COA8: variants seen among roughly 807,000 people sequenced by gnomAD.
COA8 encodes UPF0671 protein C14orf153.
In COA8, 20 loss-of-function variants were observed where a neutral mutation model predicts 22.0. That is an observed-to-expected ratio of 0.91 (90% CI 0.64 to 1.32). The LOEUF is 1.32. Among genes scored for constraint, COA8 ranks in the 40% most tolerant of loss-of-function variants. COA8 has a pLI of 0.00. For synonymous variants in COA8, 105 were observed against 79.9 expected (o/e 1.31, Z -1.68); for missense variants, 266 against 230.0 (o/e 1.16, Z -1.01).
intron 1 of COA8, among the ~76,000 whole-genome samples, chr14:103,570,965 G>A (rs1310371364): frequency 2.0e-5 from 3 of 152,138 alleles, no homozygotes; most frequent in Non-Finnish European, 2.9e-5. Flanking sequence ...GGTCCAGGAG[G>A]AGCCATCACG....
intron 2 of COA8, 74 bp from the exon 3 acceptor site, chr14:103,574,033 C>G: frequency 1.4e-6 from 2 of 1,475,234 alleles, no homozygotes; most frequent in South Asian, 2.7e-5. Flanking sequence ...GAGCTGTGCT[C>G]TAGCCAAAGA....
At chr14:103,567,575 G>A (rs1370679385) in intron 1 of COA8, 1 of 151,862 alleles carries the variant, frequency 6.6e-6, no homozygotes, top group African/African-American at 2.4e-5. Flanking sequence ...TTATAGAGAT[G>A]GGGTCTCACT....
At chr14:103,585,629 G>T (rs1462336598) in intron 3 of COA8, among the ~76,000 whole-genome samples, 2 of 139,440 alleles carry the variant, frequency 1.4e-5, no homozygotes, top group Admixed American at 7.5e-5. Context: ...AGGCTGGAGT[G>T]CAGTGGTGTG....
chr14:103,567,739 CA>C (rs1289839600), intron 1 of COA8, among the ~76,000 whole-genome samples: 1 of 152,104 alleles, frequency 6.6e-6, no homozygotes, highest in African/African-American at 2.4e-5. Context: ...TACTGAGGTG[CA>C]GGCCTTGTGT....
intron 4 of COA8, chr14:103,588,322 C>A: frequency 2.5e-6 from 1 of 396,602 alleles, no homozygotes; most frequent in South Asian, 1.3e-4. Context: ...CAAGACCAGT[C>A]TGGGCAACAT....
intron 1 of COA8, among the ~76,000 whole-genome samples, chr14:103,568,630 T>C (rs1175110938): frequency 5.8e-5 from 4 of 68,718 alleles, no homozygotes; most frequent in African/African-American, 1.7e-4. Context: ...TGTATATATA[T>C]ATATATATAT....
At chr14:103,588,116 C>CAAAAA (rs1221577064) in intron 4 of COA8, 28 of 64,504 alleles carry the variant, frequency 4.3e-4, no homozygotes, top group African/African-American at 1.2e-3. Context: ...AACTCCATCT[C>CAAAAA]AAAAAAAAAA....
At chr14:103,567,016 T>G (rs532112816) in intron 1 of COA8, among the ~76,000 whole-genome samples, 102 of 152,278 alleles carry the variant, frequency 6.7e-4, no homozygotes, top group Non-Finnish European at 6.9e-4. Context: ...CAAGTAATCT[T>G]CCTGCCTCAG....
chr14:103,582,051 T>A (rs929240374), intron 3 of COA8, among the ~76,000 whole-genome samples: 1 of 152,200 alleles, frequency 6.6e-6, no homozygotes. Context: ...GGAAAGGCAG[T>A]CTGCCGGGGA....
chr14:103,584,640 G>C (rs1381746379), intron 3 of COA8, among the ~76,000 whole-genome samples: 1 of 152,086 alleles, frequency 6.6e-6, no homozygotes, highest in African/African-American at 2.4e-5. Context: ...ATTTCCACCA[G>C]CAATGTATGA....
rs1255455793 is a variant in COA8 at position 103,581,187 on chromosome 14, G to A, written c.386-6087G>A. On this transcript the variant is annotated intron_variant, in intron 3 of 4. Transcript: ENST00000409074. The surrounding 1 kb of genome is among the most constrained non-coding windows in gnomAD (Gnocchi z 4.1). ...GGAACCAACCTCCTATCGATACCAA[G>A]GGACAACTTTTCATTTTTAGCTATG... 2.0e-5 allele frequency among the ~76,000 whole-genome samples: 3 copies of A among 152,132 alleles called. No individual in the cohort carries two copies. The East Asian group carries it at 5.8e-4, about 29-fold the overall frequency.
chr14:103,579,122 A>T (rs566316779), intron 3 of COA8, among the ~76,000 whole-genome samples: 1 of 152,132 alleles, frequency 6.6e-6, no homozygotes, highest in Non-Finnish European at 1.5e-5. Flanking sequence ...AGCGCCCTAT[A>T]TGTGTATTAA....
chr14:103,565,825 G>A (rs188553454), intron 1 of COA8, among the ~76,000 whole-genome samples: 18 of 151,884 alleles, frequency 1.2e-4, no homozygotes, highest in African/African-American at 4.4e-4. Context: ...ATGTTGGCCA[G>A]GGTGGTCTTG....
At position 103,568,476 on chromosome 14, in the gene COA8, CAT is replaced by C. The variant is rs370140627; in HGVS notation, c.124-3141_124-3140del. Among the ~76,000 whole-genome samples the C allele has an allele frequency of 2.0e-4, 31 of 151,472 alleles. No individual in the cohort carries two copies. The East Asian group carries it at 2.1e-3, about 10-fold the overall frequency. On this transcript the variant is annotated intron_variant, in intron 1 of 4. Coordinates refer to ENST00000409074, the MANE Select transcript of COA8 (RefSeq NM_001370595.2). ...ACATACATACATACATACACACACA[CAT>C]ATATACACACATATATATACACACA...
chr14:103,574,055 A>G, intron 2 of COA8, 52 bp from the exon 3 acceptor site: 1 of 1,518,030 alleles, frequency 6.6e-7, no homozygotes, highest in Non-Finnish European at 8.7e-7. Context: ...AAATGGAAAG[A>G]CAGAGAAAGG....
Position 103,582,101 on chromosome 14 carries a change from C to T in COA8, c.386-5173C>T, listed in dbSNP as rs28758834. Among the ~76,000 whole-genome samples the T allele has an allele frequency of 5.2e-3, 789 of 152,278 alleles. 6 individuals carry two copies. Among genetic ancestry groups the T allele is most frequent in the African/African-American group, 0.018 (757 of 41,566 alleles). On this transcript the variant is annotated intron_variant, in intron 3 of 4. Coordinates refer to ENST00000409074, the MANE Select transcript of COA8 (RefSeq NM_001370595.2). ...CTGGGTAGGAGCTGAGCGTGGCCTCCGCGCCTCCTCATGGGAAGTGCTGGA... is the reference window on the plus strand; with the variant it reads ...CTGGGTAGGAGCTGAGCGTGGCCTCTGCGCCTCCTCATGGGAAGTGCTGGA...
chr14:103,587,507 T>C, intron 4 of COA8, 143 bp downstream of exon 4: 1 of 485,908 alleles, frequency 2.1e-6, no homozygotes, highest in Non-Finnish European at 3.6e-6. Flanking sequence ...TTTCTTTTTT[T>C]CTTTTTTTTT....
At chr14:103,563,293 C>A in intron 1 of COA8, 169 bp downstream of exon 1, 1 of 924,784 alleles carries the variant, frequency 1.1e-6, no homozygotes, top group Non-Finnish European at 1.7e-6. Context: ...GCATCAACGC[C>A]CTCAGTCGGA....
intron 3 of COA8, among the ~76,000 whole-genome samples, chr14:103,585,795 C>T (rs1281351650): frequency 6.6e-6 from 1 of 151,930 alleles, no homozygotes; most frequent in African/African-American, 2.4e-5. Flanking sequence ...AGGATGGTCT[C>T]GATCTCCTCA....
Sources: gnomAD v4.1 joint callset for allele counts (sites outside exome capture counted in the v4.1 genomes callset) on GRCh38, gnomAD v4.1.1 for gene constraint, Gnocchi (gnomAD v3.1) non-coding constraint, MANE v1.5 for transcripts, NCBI Gene and HGNC (gene_info 2026-07-23, HGNC 2026-07-21) for gene names.